SND1: variants seen among roughly 807,000 people sequenced by gnomAD.
The protein encoded by SND1 is staphylococcal nuclease and tudor domain containing 1, also known as staphylococcal nuclease domain-containing protein 1.
A neutral mutation model predicts 121.7 loss-of-function variants in SND1; 38 were observed. The ratio of observed to expected loss-of-function variants is 0.31; its 90% CI spans 0.24 to 0.41. The LOEUF is 0.41. Ranked by LOEUF, SND1 falls within the 10% of genes least tolerant of loss-of-function variation. The pLI is 1.00. For missense variants in SND1, 868 were observed against 1,184.6 expected (o/e 0.73, Z 3.92); for synonymous variants, 401 against 447.4 (o/e 0.90, Z 1.31).
intron 14 of SND1, among the ~76,000 whole-genome samples, chr7:127,922,684 A>G (rs567190259): frequency 1.3e-5 from 2 of 152,270 alleles, no homozygotes; most frequent in South Asian, 4.2e-4. Flanking sequence ...TCCTTCTTCT[A>G]GTTGGGCAAG....
intron 14 of SND1, among the ~76,000 whole-genome samples, chr7:127,911,378 T>A (rs1180691373): frequency 6.6e-6 from 1 of 152,206 alleles, no homozygotes; most frequent in African/African-American, 2.4e-5. Flanking sequence ...TTTAATTTTT[T>A]ATTTCAAAAA....
At chr7:127,660,959 C>T (rs1361124399) in intron 1 of SND1, among the ~76,000 whole-genome samples, 1 of 152,112 alleles carries the variant, frequency 6.6e-6, no homozygotes, top group East Asian at 1.9e-4. Flanking sequence ...CACTCCTAGG[C>T]TATTCTGAAA....
At chr7:127,749,513 A>T (rs1797046066) in intron 10 of SND1, among the ~76,000 whole-genome samples, 1 of 152,144 alleles carries the variant, frequency 6.6e-6, no homozygotes, top group South Asian at 2.1e-4. Flanking sequence ...GGTATTAATA[A>T]TGAGGTGTGG....
intron 11 of SND1, among the ~76,000 whole-genome samples, chr7:127,829,584 A>G (rs1798703259): frequency 6.6e-6 from 1 of 152,194 alleles, no homozygotes; most frequent in Non-Finnish European, 1.5e-5. Context: ...ATTATTAAAA[A>G]TATTATTACA....
intron 10 of SND1, among the ~76,000 whole-genome samples, chr7:127,774,560 C>G (rs1797579364): frequency 6.6e-6 from 1 of 151,842 alleles, no homozygotes; most frequent in South Asian, 2.1e-4. Context: ...GTGCACCATA[C>G]AAGCATATCA....
chr7:127,806,960 A>C (rs984669842), intron 10 of SND1, among the ~76,000 whole-genome samples: 3 of 152,158 alleles, frequency 2.0e-5, no homozygotes, highest in African/African-American at 7.2e-5. Context: ...CTCTGTCTGA[A>C]AAAAAAGGAA....
chr7:127,885,998 C>T (rs1799899124), intron 12 of SND1, among the ~76,000 whole-genome samples: 1 of 152,026 alleles, frequency 6.6e-6, no homozygotes. Flanking sequence ...AGTTTAAATC[C>T]TCACCATGTA....
chr7:128,023,716 C>G (rs1803409247), intron 16 of SND1, among the ~76,000 whole-genome samples: 1 of 152,196 alleles, frequency 6.6e-6, no homozygotes, highest in South Asian at 2.1e-4. Flanking sequence ...AGGCATGTCT[C>G]TCTTTGGACA....
chr7:127,675,604 A>G (rs960154196), intron 1 of SND1, among the ~76,000 whole-genome samples: 7 of 152,162 alleles, frequency 4.6e-5, no homozygotes, highest in Admixed American at 3.9e-4. Context: ...AACACTGATC[A>G]CTGCAGTAAC....
chr7:128,026,936 ATAATT>A (rs72443655), intron 16 of SND1: 30,045 of 151,968 alleles, frequency 0.2, 3,409 homozygotes, highest in African/African-American at 0.32. Flanking sequence ...ATACTTGAAA[ATAATT>A]TAACATTTGT....
chr7:128,074,161 G>A (rs1256051987), intron 16 of SND1, among the ~76,000 whole-genome samples: 1 of 152,194 alleles, frequency 6.6e-6, no homozygotes, highest in Non-Finnish European at 1.5e-5. Context: ...TGGGGAGGGT[G>A]CTGAAGAGTG....
intron 13 of SND1, among the ~76,000 whole-genome samples, chr7:127,892,174 G>A (rs1288600470): frequency 2.6e-5 from 4 of 152,106 alleles, no homozygotes; most frequent in Non-Finnish European, 4.4e-5. Context: ...AAACTTGTCT[G>A]ACTTAGGTCA....
rs1025535881 is a variant in SND1, at chr7:128,058,933, G to A, written c.1780-15569G>A. Among the ~76,000 whole-genome samples, 20 of 151,980 alleles carry A rather than the reference G, an allele frequency of 1.3e-4. No individual in the cohort carries two copies. In the East Asian group the frequency reaches 3.7e-3, roughly 28 times the overall value. On this transcript the variant is annotated intron_variant, in intron 16 of 23. Coordinates refer to ENST00000354725, the MANE Select transcript of SND1 (RefSeq NM_014390.4). ...ACTGTTCCCCTTGCCCATCCTTCAA[G>A]TCAGCTCTCTCCAGCTTTTCCTCTG...
At chr7:128,013,759 T>C (rs7789322) in intron 16 of SND1, among the ~76,000 whole-genome samples, 104,797 of 152,128 alleles carry the variant, frequency 0.69, 37,381 homozygotes, top group African/African-American at 0.86. Context: ...TGATCTCACA[T>C]GAGGCGGAGC....
chr7:128,038,671 AAC>A (rs1257929247), intron 16 of SND1, among the ~76,000 whole-genome samples: 1 of 149,162 alleles, frequency 6.7e-6, no homozygotes, highest in Non-Finnish European at 1.5e-5. Context: ...ATTTGTTTTT[AAC>A]AGTTACTGGG....
chr7:128,068,246 ACT>A (rs971290224), intron 16 of SND1, among the ~76,000 whole-genome samples: 3 of 148,802 alleles, frequency 2.0e-5, no homozygotes, highest in African/African-American at 7.4e-5. Context: ...GCACATGCTC[ACT>A]CTCTCCCTCC....
At chr7:127,959,673 C>T (rs1801681692) in intron 15 of SND1, among the ~76,000 whole-genome samples, 1 of 152,212 alleles carries the variant, frequency 6.6e-6, no homozygotes, top group Non-Finnish European at 1.5e-5. Flanking sequence ...TTCCCTCTCC[C>T]TCTTCCATAG....
At chr7:127,848,037 A>T (rs6961121) in intron 12 of SND1, among the ~76,000 whole-genome samples, 3,036 of 152,280 alleles carry the variant, frequency 0.02, 112 homozygotes, top group African/African-American at 0.069. Context: ...GGATTCTGGT[A>T]CTCAGGTTTT....
intron 16 of SND1, chr7:128,030,497 G>C (rs372698616): frequency 6.9e-5 from 111 of 1,613,358 alleles, no homozygotes; most frequent in Non-Finnish European, 9.0e-5. Context: ...ACGAGCAGAC[G>C]GAGGGGCAGT....
Sources: gnomAD v4.1 joint callset for allele counts (sites outside exome capture counted in the v4.1 genomes callset) on GRCh38, gnomAD v4.1.1 for gene constraint, MANE v1.5 for transcripts, NCBI Gene and HGNC (gene_info 2026-07-23, HGNC 2026-07-21) for gene names.